VXN: variants seen among roughly 807,000 people sequenced by gnomAD.
VXN encodes the protein uncharacterized protein C8orf46.
In VXN, 7 loss-of-function variants were observed where a neutral mutation model predicts 23.1. The observed-to-expected ratio is 0.30, with a 90% CI of 0.17 to 0.57. The LOEUF is 0.57. VXN is among the 20% of genes least tolerant of loss of function. The probability of loss-of-function intolerance (pLI) is 0.91; values close to 1 mark genes in which losing one functional copy is unlikely to be tolerated. For missense variants in VXN, 238 were observed against 272.6 expected, an observed-to-expected ratio of 0.87 and a Z score of 0.89; for synonymous variants, 120 against 105.8, an observed-to-expected ratio of 1.13 and a Z score of -0.83.
At chr8:66,499,486 G>C (rs1433249873) in intron 2 of VXN, among the ~76,000 whole-genome samples, 1 of 151,996 alleles carries the variant, frequency 6.6e-6, no homozygotes, top group African/African-American at 2.4e-5. Context: ...ACCTGCCTCT[G>C]CCTCCTCCCA....
At chr8:66,500,970 T>C (rs774345161) in intron 2 of VXN, among the ~76,000 whole-genome samples, 4 of 149,870 alleles carry the variant, frequency 2.7e-5, no homozygotes, top group Non-Finnish European at 5.9e-5. Flanking sequence ...GCCTCCTAGG[T>C]TCAAGCGATT....
intron 3 of VXN, among the ~76,000 whole-genome samples, chr8:66,505,981 G>T (rs1217796346): frequency 6.6e-6 from 1 of 152,022 alleles, no homozygotes; most frequent in Admixed American, 6.6e-5. Context: ...ATGGGGTCTT[G>T]CTGTGTTGCC....
chr8:66,511,675 T>G (rs913952183), intron 4 of VXN, among the ~76,000 whole-genome samples: 2 of 152,138 alleles, frequency 1.3e-5, no homozygotes, highest in African/African-American at 4.8e-5. Context: ...CTTCAGACAG[T>G]GCCCTTGGCA....
At chr8:66,503,849 G>A (rs572860232) in intron 2 of VXN, among the ~76,000 whole-genome samples, 4 of 152,334 alleles carry the variant, frequency 2.6e-5, no homozygotes, top group Non-Finnish European at 1.5e-5. Context: ...TGTTCCCTGG[G>A]ACGGGCCTAA....
At chr8:66,493,856 T>G (rs1181330857) in intron 1 of VXN, 138 bp downstream of exon 1, 9 of 675,338 alleles carry the variant, frequency 1.3e-5, no homozygotes, top group African/African-American at 1.3e-4. Context: ...TGGTATTTGA[T>G]TTTTTGGAGG....
At position 66,502,389 on chromosome 8, in the gene VXN, G is replaced by A. The variant is rs142703313; in HGVS notation, c.127-2986G>A. 7.2e-5 allele frequency among the ~76,000 whole-genome samples: 11 copies of A among 152,336 alleles called. No homozygotes were observed. The East Asian group carries it at 1.3e-3, about 19-fold the overall frequency. On this transcript the variant is annotated intron_variant, in intron 2 of 5. Coordinates refer to ENST00000305454, the MANE Select transcript of VXN (RefSeq NM_152765.4). ...AAGATGGATAAATGAGATTGCAAAG[G>A]TCACATTCTTCTCAGATTTCAAGCT...
chr8:66,512,257 G>T (rs985603226), intron 4 of VXN, among the ~76,000 whole-genome samples: 1 of 152,112 alleles, frequency 6.6e-6, no homozygotes, highest in Non-Finnish European at 1.5e-5. Context: ...TTGGCCTAAG[G>T]AAAGGGGAAA....
At chr8:66,515,686 G>T (rs943255070) in intron 5 of VXN, among the ~76,000 whole-genome samples, 1 of 152,200 alleles carries the variant, frequency 6.6e-6, no homozygotes, top group Non-Finnish European at 1.5e-5. Flanking sequence ...TGTGTTCAGG[G>T]TCACCTCCTC....
chr8:66,515,577 T>C (rs1346639033), intron 5 of VXN, among the ~76,000 whole-genome samples: 1 of 152,200 alleles, frequency 6.6e-6, no homozygotes, highest in Non-Finnish European at 1.5e-5. Flanking sequence ...CCAGCAAGTT[T>C]GTTCACATAG....
chr8:66,505,316 C>T, intron 2 of VXN, 59 bp from the exon 3 acceptor site: 1 of 1,553,580 alleles, frequency 6.4e-7, no homozygotes, highest in Non-Finnish European at 8.7e-7. Context: ...CCCTGGGGTT[C>T]CATGGGTCCC....
chr8:66,497,025 C>G (rs1807634703), intron 2 of VXN, among the ~76,000 whole-genome samples: 1 of 152,170 alleles, frequency 6.6e-6, no homozygotes, highest in Non-Finnish European at 1.5e-5. Context: ...GCTGGGACTA[C>G]AGGCGCACGC....
chr8:66,517,237 A>G lies in VXN; in HGVS notation c.*1161A>G, dbSNP rs1454224259. The G allele has an allele frequency of 6.6e-6, 1 of 152,224 alleles. No individual in the cohort carries two copies. Among genetic ancestry groups the G allele is most frequent in the African/African-American group, 2.4e-5 (1 of 41,450 alleles). The allele number at this position is 152,224 out of a possible 1,614,324, so 9.4% of individuals were successfully genotyped here. On this transcript the variant is annotated 3_prime_UTR_variant, in exon 6 of 6. Transcript: ENST00000305454. ...TGTCAACATTAGTAGCCTTAAAACAATAACATAATAATAATGATGATAATG... is the reference window on the plus strand; with the variant it reads ...TGTCAACATTAGTAGCCTTAAAACAGTAACATAATAATAATGATGATAATG...
intron 2 of VXN, among the ~76,000 whole-genome samples, chr8:66,500,080 A>AT (rs1188044963): frequency 1.3e-5 from 2 of 151,880 alleles, no homozygotes; most frequent in African/African-American, 4.8e-5. Context: ...ATGCTCTATA[A>AT]TTTTTTTTAC....
intron 2 of VXN, among the ~76,000 whole-genome samples, chr8:66,504,739 A>G (rs913889029): frequency 1.3e-5 from 2 of 152,180 alleles, no homozygotes; most frequent in Non-Finnish European, 2.9e-5. Flanking sequence ...AGAACCACAC[A>G]CAGTGGAAAT....
At chr8:66,511,187 A>T (rs755873305) in intron 4 of VXN, among the ~76,000 whole-genome samples, 1 of 152,090 alleles carries the variant, frequency 6.6e-6, no homozygotes, top group Non-Finnish European at 1.5e-5. Context: ...GCCTATCAGT[A>T]CATCTCCCTC....
chr8:66,494,173 A>C (rs1220437337), intron 1 of VXN, among the ~76,000 whole-genome samples: 2 of 152,218 alleles, frequency 1.3e-5, no homozygotes, highest in African/African-American at 4.8e-5. Context: ...CTTGAAGTCC[A>C]GTGAAGCCGT....
At chr8:66,502,451 T>C (rs1359946554) in intron 2 of VXN, among the ~76,000 whole-genome samples, 1 of 152,164 alleles carries the variant, frequency 6.6e-6, no homozygotes, top group African/African-American at 2.4e-5. Context: ...TCCTGATTTT[T>C]TGAAATGCAC....
chr8:66,506,250 T>G (rs1314035713), intron 3 of VXN, among the ~76,000 whole-genome samples: 1 of 151,586 alleles, frequency 6.6e-6, no homozygotes, highest in Non-Finnish European at 1.5e-5. Flanking sequence ...TGTGTGTGTG[T>G]GTGTGTGTGT....
intron 4 of VXN, 97 bp from the exon 5 acceptor site, chr8:66,513,443 G>A (rs1807848045): frequency 1.0e-6 from 1 of 981,816 alleles, no homozygotes; most frequent in Non-Finnish European, 1.6e-6. Flanking sequence ...AGGCGGTGGT[G>A]GTTCCATTCA....
Sources: gnomAD v4.1 joint callset for allele counts (sites outside exome capture counted in the v4.1 genomes callset) on GRCh38, gnomAD v4.1.1 for gene constraint, MANE v1.5 for transcripts, NCBI Gene and HGNC (gene_info 2026-07-23, HGNC 2026-07-21) for gene names.